Variants in FRS2 observed in about 807,000 individuals in gnomAD.
FRS2 encodes fibroblast growth factor receptor substrate 2, also known as FGFR signalling adaptor.
Under a neutral mutation model 43.9 loss-of-function variants are expected in FRS2, and 8 were observed. That is an observed-to-expected ratio of 0.18 (90% confidence interval 0.11 to 0.33). FRS2 has a LOEUF of 0.33. Ranked by LOEUF, FRS2 falls within the 10% of genes least tolerant of loss-of-function variation. The pLI, the probability that FRS2 is intolerant of heterozygous loss-of-function variation, is 1.00. For synonymous variants in FRS2, 219 were observed against 220.3 expected, an observed-to-expected ratio of 0.99 and a Z score of 0.05; for missense variants, 534 against 627.6, an observed-to-expected ratio of 0.85 and a Z score of 1.59.
At chr12:69,494,470 G>T (rs1470947035) in intron 1 of FRS2, among the ~76,000 whole-genome samples, 1 of 152,146 alleles carries the variant, frequency 6.6e-6, no homozygotes, top group Non-Finnish European at 1.5e-5. Flanking sequence ...AGCTCATTTA[G>T]CTAATGAGTT....
At chr12:69,570,304 T>G in intron 5 of FRS2, 27 bp from the exon 6 acceptor site, 1 of 1,560,202 alleles carries the variant, frequency 6.4e-7, no homozygotes, top group Non-Finnish European at 8.8e-7. Context: ...GTGACATATT[T>G]GCATGACTGT....
chr12:69,525,427 C>T (rs1277061798), intron 1 of FRS2, among the ~76,000 whole-genome samples: 3 of 152,046 alleles, frequency 2.0e-5, no homozygotes, highest in Non-Finnish European at 4.4e-5. Context: ...ATCTGCATTT[C>T]CTTAAAATAC....
At chr12:69,531,564 ATAT>A (rs1876795968) in intron 2 of FRS2, among the ~76,000 whole-genome samples, 1 of 152,104 alleles carries the variant, frequency 6.6e-6, no homozygotes, top group Non-Finnish European at 1.5e-5. Context: ...AGTGGTGAAA[ATAT>A]TATGGAATTA....
At chr12:69,470,698 G>T (rs1870183215) in intron 1 of FRS2, among the ~76,000 whole-genome samples, 168 bp downstream of exon 1, 1 of 150,852 alleles carries the variant, frequency 6.6e-6, no homozygotes, top group African/African-American at 2.4e-5. Flanking sequence ...GGGACGGGAA[G>T]AGCTGGCTGT....
intron 1 of FRS2, among the ~76,000 whole-genome samples, chr12:69,476,621 T>A (rs996139266): frequency 2.6e-5 from 4 of 151,870 alleles, no homozygotes; most frequent in Admixed American, 2.6e-4. Context: ...GTAAGTGGAG[T>A]CACAGAAGTC....
At position 69,491,907 on chromosome 12, in the gene FRS2, A is replaced by G. The variant is rs1176131732; in HGVS notation, c.-261+21377A>G. Among the ~76,000 whole-genome samples, 7 of 152,230 alleles carry G rather than the reference A, an allele frequency of 4.6e-5. No individual in the cohort carries two copies. In the South Asian group the frequency reaches 1.0e-3, roughly 23 times the overall value. On this transcript the variant is annotated intron_variant, in intron 1 of 8. Coordinates refer to ENST00000549921, the MANE Select transcript of FRS2 (RefSeq NM_001278356.2). ...GAATTTCTGTGTCCGTGGATATACA[A>G]TAGCATTTTTGATAAATATTTCCAA...
chr12:69,578,219 A>G lies in FRS2; in HGVS notation c.*3264A>G, dbSNP rs1433757724. 6.6e-6 allele frequency: 1 copy of G among 152,646 alleles called. No individual in the cohort carries two copies. The highest frequency in any genetic ancestry group is 1.5e-5 in the Non-Finnish European group (1 of 68,022). The allele number at this position is 152,646 out of a possible 1,614,324, so 9.5% of individuals were successfully genotyped here. A position where few individuals can be genotyped will look rare whatever the true frequency, so the allele number is the denominator to read the frequency against. On this transcript the variant is annotated 3_prime_UTR_variant, in exon 9 of 9. Coordinates refer to ENST00000549921, the MANE Select transcript of FRS2 (RefSeq NM_001278356.2). ...ATGTGTAGTGTGTGTGTATAAATAC[A>G]TATATTCTTGAAATAGACATACCAT...
At chr12:69,526,047 C>T (rs35612761) in intron 1 of FRS2, among the ~76,000 whole-genome samples, 28,827 of 151,864 alleles carry the variant, frequency 0.19, 2,928 homozygotes, top group Middle Eastern at 0.29. Flanking sequence ...TTAGTAGAGA[C>T]GGGTTTCACC....
chr12:69,479,727 A>T (rs779161785), intron 1 of FRS2, among the ~76,000 whole-genome samples: 18 of 151,982 alleles, frequency 1.2e-4, no homozygotes, highest in Non-Finnish European at 2.4e-4. Flanking sequence ...CTAGTTTTAG[A>T]ACTGCTACTT....
chr12:69,496,469 C>A (rs1021314512), intron 1 of FRS2, among the ~76,000 whole-genome samples: 5 of 151,864 alleles, frequency 3.3e-5, no homozygotes, highest in Non-Finnish European at 7.4e-5. Context: ...GTCTGATGAA[C>A]AAATCCATTG....
intron 1 of FRS2, chr12:69,486,391 A>G (rs1022702699): frequency 6.6e-6 from 1 of 152,154 alleles, no homozygotes; most frequent in African/African-American, 2.4e-5. Flanking sequence ...GGCACCTCAA[A>G]CTGTGCCCAT....
intron 1 of FRS2, among the ~76,000 whole-genome samples, chr12:69,497,354 T>G (rs963020675): frequency 8.5e-5 from 13 of 152,198 alleles, no homozygotes; most frequent in African/African-American, 2.4e-4. Context: ...GATTTCTTTC[T>G]CATAGTTCTG....
At chr12:69,472,911 T>C (rs915706331) in intron 1 of FRS2, among the ~76,000 whole-genome samples, 1 of 152,256 alleles carries the variant, frequency 6.6e-6, no homozygotes, top group Non-Finnish European at 1.5e-5. Flanking sequence ...CATTTTAGGA[T>C]ATAAAGATTA....
At chr12:69,535,876 T>A (rs1877221852) in intron 3 of FRS2, among the ~76,000 whole-genome samples, 1 of 152,068 alleles carries the variant, frequency 6.6e-6, no homozygotes. Context: ...TTATTTATTT[T>A]GAATGTATGC....
intron 3 of FRS2, among the ~76,000 whole-genome samples, chr12:69,561,679 G>C (rs1204495783): frequency 2.0e-5 from 3 of 152,166 alleles, no homozygotes; most frequent in African/African-American, 7.2e-5. Context: ...TTTCTGAACT[G>C]GTTTTGGAGG....
chr12:69,557,619 T>TGCGC (rs529133007), intron 3 of FRS2, among the ~76,000 whole-genome samples: 11,387 of 118,644 alleles, frequency 0.096, 533 homozygotes, highest in South Asian at 0.13. Flanking sequence ...TGTGTGTGTG[T>TGCGC]GCGCGCGCGC....
At chr12:69,556,761 A>C (rs985030779) in intron 3 of FRS2, among the ~76,000 whole-genome samples, 2 of 152,238 alleles carry the variant, frequency 1.3e-5, no homozygotes, top group Non-Finnish European at 2.9e-5. Context: ...GAATAATATT[A>C]GTTCGTGTAT....
intron 4 of FRS2, among the ~76,000 whole-genome samples, chr12:69,566,567 A>G (rs980541033): frequency 5.9e-5 from 9 of 152,200 alleles, no homozygotes; most frequent in Admixed American, 3.9e-4. Flanking sequence ...AGATCACGCC[A>G]TAGCACTCCA....
At chr12:69,557,937 T>C (rs1031813098) in intron 3 of FRS2, 1 of 152,166 alleles carries the variant, frequency 6.6e-6, no homozygotes, top group African/African-American at 2.4e-5. Flanking sequence ...ACTATTTTAG[T>C]AACATTTTCT....
Sources: gnomAD v4.1 joint callset for allele counts (sites outside exome capture counted in the v4.1 genomes callset) on GRCh38, gnomAD v4.1.1 for gene constraint, MANE v1.5 for transcripts, NCBI Gene and HGNC (gene_info 2026-07-23, HGNC 2026-07-21) for gene names.